OSBPL1A: variants seen among roughly 807,000 people sequenced by gnomAD.
The protein encoded by OSBPL1A is oxysterol binding protein like 1A, also known as oxysterol-binding protein-related protein 1.
A neutral mutation model predicts 137.1 loss-of-function variants in OSBPL1A; 80 were observed. That is an observed-to-expected ratio of 0.58 (90% CI 0.49 to 0.70). The LOEUF is 0.70. Ranked by LOEUF, OSBPL1A falls within the 30% of genes least tolerant of loss-of-function variation. OSBPL1A has a pLI of 0.00. For missense variants in OSBPL1A, 970 were observed against 1,129.4 expected (o/e 0.86, Z 2.02); for synonymous variants, 365 against 389.7 (o/e 0.94, Z 0.75).
At chr18:24,358,537 T>C in intron 4 of OSBPL1A, 1 of 702,264 alleles carries the variant, frequency 1.4e-6, no homozygotes, top group Non-Finnish European at 2.6e-6. Context: ...TGTATATATT[T>C]CAAGGCAGTC....
At chr18:24,183,258 A>C (rs117529404) in intron 18 of OSBPL1A, among the ~76,000 whole-genome samples, 69 of 152,130 alleles carry the variant, frequency 4.5e-4, no homozygotes, top group African/African-American at 1.6e-3. Flanking sequence ...CTTAGTATAA[A>C]ATATAATAAT....
chr18:24,285,372 C>T (rs1303453552), intron 14 of OSBPL1A, among the ~76,000 whole-genome samples: 1 of 151,858 alleles, frequency 6.6e-6, no homozygotes, highest in Non-Finnish European at 1.5e-5. Context: ...TATATTTTAC[C>T]TTAAAAGAAT....
chr18:24,254,741 A>C (rs1400877710), intron 15 of OSBPL1A, among the ~76,000 whole-genome samples: 1 of 152,214 alleles, frequency 6.6e-6, no homozygotes, highest in African/African-American at 2.4e-5. Flanking sequence ...GGAAAACTTC[A>C]AACAAATAAC....
At chr18:24,359,917 A>C (rs1450172036) in intron 4 of OSBPL1A, among the ~76,000 whole-genome samples, 4 of 152,180 alleles carry the variant, frequency 2.6e-5, no homozygotes, top group African/African-American at 9.6e-5. Context: ...TAATGTACCA[A>C]GAAAAGCCCA....
intron 6 of OSBPL1A, among the ~76,000 whole-genome samples, chr18:24,333,498 C>T (rs995295773): frequency 8.5e-5 from 13 of 152,210 alleles, no homozygotes; most frequent in African/African-American, 3.1e-4. Context: ...TGTCAAGGTT[C>T]TACTGAATTT....
intron 2 of OSBPL1A, among the ~76,000 whole-genome samples, chr18:24,369,326 C>A (rs1905427084): frequency 6.6e-6 from 1 of 152,174 alleles, no homozygotes; most frequent in African/African-American, 2.4e-5. Flanking sequence ...ACTAAAATCA[C>A]AGATTCAATT....
intron 1 of OSBPL1A, among the ~76,000 whole-genome samples, chr18:24,386,354 T>C (rs1164119400): frequency 4.6e-5 from 7 of 152,198 alleles, no homozygotes; most frequent in Non-Finnish European, 1.0e-4. Context: ...TAAAGCAATT[T>C]GGACATTCTC....
chr18:24,217,274 T>TG (rs1470194085), intron 17 of OSBPL1A, among the ~76,000 whole-genome samples: 1 of 151,368 alleles, frequency 6.6e-6, no homozygotes, highest in African/African-American at 2.4e-5. Flanking sequence ...TTTTTTTTTT[T>TG]TGAGACAGAG....
intron 18 of OSBPL1A, among the ~76,000 whole-genome samples, chr18:24,183,234 A>C (rs2086656114): frequency 6.6e-6 from 1 of 152,124 alleles, no homozygotes; most frequent in Non-Finnish European, 1.5e-5. Context: ...ACTAACTGGG[A>C]AATACATAAC....
intron 18 of OSBPL1A, among the ~76,000 whole-genome samples, chr18:24,187,209 T>G (rs183648886): frequency 6.6e-5 from 10 of 151,708 alleles, no homozygotes; most frequent in African/African-American, 2.4e-4. Context: ...GAACAGAGAG[T>G]AGAATGGTGG....
chr18:24,280,462 C>A (rs1172353531), intron 15 of OSBPL1A, among the ~76,000 whole-genome samples: 1 of 152,130 alleles, frequency 6.6e-6, no homozygotes, highest in Non-Finnish European at 1.5e-5. Flanking sequence ...AATATTTAAT[C>A]CATTGGGCTT....
intron 27 of OSBPL1A, among the ~76,000 whole-genome samples, chr18:24,163,681 C>T (rs1385468536): frequency 6.6e-6 from 1 of 151,884 alleles, no homozygotes; most frequent in South Asian, 2.1e-4. Context: ...TTACAGCATA[C>T]CCACAGCAGT....
chr18:24,338,349 G>A lies in OSBPL1A; in HGVS notation c.394+3198C>T, dbSNP rs560637136. ...CCTACCTTGGCCTCCCAAAGTGCTG[G>A]GATTACAGGCATGAGCCACCGTGCC... is the stretch of plus-strand genomic sequence containing the variant. On this transcript the variant is annotated intron_variant, in intron 5 of 27. Transcript: ENST00000319481. Among the ~76,000 whole-genome samples the A allele has an allele frequency of 4.6e-5, 7 of 151,908 alleles. No individual in the cohort carries two copies. In the South Asian group the frequency reaches 8.3e-4, roughly 18 times the overall value.
Position 24,314,443 on chromosome 18 carries a change from A to C in OSBPL1A, c.871-96T>G, listed in dbSNP as rs2090680643. On this transcript the variant is annotated intron_variant, in intron 11 of 27. Transcript: ENST00000319481. Reference sequence around the variant, plus strand: ...AAAATTTAAAGTAGTGACATGACTTAACGATACCCAGTTGAACACTTAAGT... The same window carrying C: ...AAAATTTAAAGTAGTGACATGACTTCACGATACCCAGTTGAACACTTAAGT... 32 of 785,406 alleles carry C rather than the reference A, an allele frequency of 4.1e-5. No individual in the cohort carries two copies. The East Asian group carries it at 8.2e-4, about 20-fold the overall frequency. 48.7% of individuals were successfully genotyped at this position (785,406 alleles called of 1,614,324 possible).
intron 17 of OSBPL1A, among the ~76,000 whole-genome samples, chr18:24,203,511 C>T (rs181418229): frequency 2.2e-4 from 33 of 152,322 alleles, no homozygotes; most frequent in African/African-American, 7.9e-4. Flanking sequence ...TCGACAGACA[C>T]AGGTATATCT....
intron 17 of OSBPL1A, among the ~76,000 whole-genome samples, chr18:24,210,891 C>G (rs1430144693): frequency 2.0e-5 from 3 of 152,092 alleles, no homozygotes; most frequent in Non-Finnish European, 2.9e-5. Flanking sequence ...TTTTAAAAAG[C>G]TGAAAATAAT....
At chr18:24,396,040 G>A (rs1907718403) in intron 1 of OSBPL1A, among the ~76,000 whole-genome samples, 1 of 151,166 alleles carries the variant, frequency 6.6e-6, no homozygotes, top group Admixed American at 6.6e-5. Context: ...ACAACATGGT[G>A]AAACCTCGTC....
intron 17 of OSBPL1A, among the ~76,000 whole-genome samples, chr18:24,212,333 C>T (rs1385726637): frequency 2.0e-5 from 3 of 151,998 alleles, no homozygotes; most frequent in African/African-American, 4.8e-5. Context: ...GCTGGGATTA[C>T]GGGTGTGAGA....
In OSBPL1A at chr18:24,305,345, G is replaced by A. The variant is rs559799260; in HGVS notation, c.1093-1627C>T. Among the ~76,000 whole-genome samples the A allele has an allele frequency of 1.3e-4, 20 of 152,086 alleles. 1 individual carries two copies. Among genetic ancestry groups the A allele is most frequent in the South Asian group, 8.3e-4 (4 of 4,816 alleles). Reference sequence around the variant, plus strand: ...CAGTTATTAATAAGTTTCCTTGATCGACGATTTACTTGTTTTAAAGGGTAC... The same window carrying A: ...CAGTTATTAATAAGTTTCCTTGATCAACGATTTACTTGTTTTAAAGGGTAC... On this transcript the variant is annotated intron_variant, in intron 13 of 27. Transcript: ENST00000319481.
Sources: gnomAD v4.1 joint callset for allele counts (sites outside exome capture counted in the v4.1 genomes callset) on GRCh38, gnomAD v4.1.1 for gene constraint, MANE v1.5 for transcripts, NCBI Gene and HGNC (gene_info 2026-07-23, HGNC 2026-07-21) for gene names.